The following NRXN3 variants were observed in gnomAD, a reference collection of about 807,000 sequenced individuals.
NRXN3 encodes neurexin 3, also known as neurexin III.
NRXN3 carries 32 observed loss-of-function variants against 137.6 expected under a neutral mutation model. That is an observed-to-expected ratio of 0.23 (90% confidence interval 0.18 to 0.31). The LOEUF (loss-of-function observed/expected upper bound fraction) is 0.31, where lower values mean the gene tolerates loss of function less well. Ranked by LOEUF, NRXN3 falls within the 10% of genes least tolerant of loss-of-function variation. The pLI is 1.00. For missense variants in NRXN3, 1,574 were observed against 2,062.5 expected, an observed-to-expected ratio of 0.76 and a Z score of 4.59; for synonymous variants, 798 against 784.5, an observed-to-expected ratio of 1.02 and a Z score of -0.29.
chr14:78,646,916 G>C (rs957566824), intron 5 of NRXN3, among the ~76,000 whole-genome samples: 4 of 152,214 alleles, frequency 2.6e-5, no homozygotes. Flanking sequence ...TTACATGAGA[G>C]CTGCAGAGAC....
intron 4 of NRXN3, among the ~76,000 whole-genome samples, chr14:78,387,120 C>A (rs1193579110): frequency 6.6e-6 from 1 of 151,922 alleles, no homozygotes; most frequent in Admixed American, 6.6e-5. Context: ...GCAATGCTCA[C>A]CCCCAGCTCA....
At chr14:78,937,255 C>T (rs757730874) in intron 10 of NRXN3, among the ~76,000 whole-genome samples, 82 of 151,732 alleles carry the variant, frequency 5.4e-4, no homozygotes, top group Non-Finnish European at 8.4e-4. Context: ...CTCTGATCTC[C>T]ATTTAACATG....
chr14:78,607,774 T>C (rs1253610077), intron 4 of NRXN3, among the ~76,000 whole-genome samples: 1 of 152,136 alleles, frequency 6.6e-6, no homozygotes, highest in Non-Finnish European at 1.5e-5. Context: ...TCTGTGGATG[T>C]GTGTGTGTGT....
At chr14:79,190,230 C>T (rs1366603851) in intron 15 of NRXN3, among the ~76,000 whole-genome samples, 3 of 151,658 alleles carry the variant, frequency 2.0e-5, no homozygotes, top group Non-Finnish European at 4.4e-5. Flanking sequence ...TTTTTTTAAT[C>T]ATCATCAGGC....
intron 4 of NRXN3, among the ~76,000 whole-genome samples, chr14:78,643,974 C>G (rs2097660910): frequency 6.6e-6 from 1 of 151,992 alleles, no homozygotes; most frequent in African/African-American, 2.4e-5. Context: ...AACCCTGTCT[C>G]TACTAAAAAT....
chr14:79,365,360 T>G (rs1463888858), intron 15 of NRXN3, among the ~76,000 whole-genome samples: 1 of 152,158 alleles, frequency 6.6e-6, no homozygotes, highest in Non-Finnish European at 1.5e-5. Flanking sequence ...CCAAACATAT[T>G]TATTTGCTGA....
intron 15 of NRXN3, among the ~76,000 whole-genome samples, chr14:79,089,744 G>A (rs1049095707): frequency 2.6e-4 from 40 of 151,776 alleles, no homozygotes; most frequent in Admixed American, 1.3e-4. Context: ...CCTCAAACTC[G>A]TGCAGAGAGA....
intron 4 of NRXN3, among the ~76,000 whole-genome samples, chr14:78,536,503 T>C (rs1019544678): frequency 6.6e-6 from 1 of 152,224 alleles, no homozygotes; most frequent in Non-Finnish European, 1.5e-5. Flanking sequence ...TACCAGGATT[T>C]GTATTATATT....
At chr14:78,541,213 C>T (rs2096586264) in intron 4 of NRXN3, among the ~76,000 whole-genome samples, 1 of 152,174 alleles carries the variant, frequency 6.6e-6, no homozygotes, top group Admixed American at 6.5e-5. Flanking sequence ...GAGTGTTTTC[C>T]AACATGGTTC....
intron 4 of NRXN3, among the ~76,000 whole-genome samples, chr14:78,346,079 ACAGGGAT>A (rs1278011332): frequency 6.6e-6 from 1 of 152,212 alleles, no homozygotes; most frequent in Non-Finnish European, 1.5e-5. Context: ...TGGCTCAGCA[ACAGGGAT>A]CTGAAACTGC....
In NRXN3 at chr14:78,940,711, C is replaced by A. The variant is rs115910138; in HGVS notation, c.2276-16531C>A. 3.0e-3 allele frequency among the ~76,000 whole-genome samples: 462 copies of A among 152,232 alleles called. 5 individuals carry two copies. Among genetic ancestry groups the A allele is most frequent in the African/African-American group, 0.01 (434 of 41,532 alleles). ...AATTCAGTTTAGATGGGATATTTTT[C>A]TCTTATTTCTTCCCTTGAACGTTTT... On this transcript the variant is annotated intron_variant, in intron 10 of 20. Coordinates refer to ENST00000335750, the MANE Select transcript of NRXN3 (RefSeq NM_001330195.2).
In NRXN3 at chr14:79,505,399, CA is replaced by C. The variant is rs150473419; in HGVS notation, c.3444+38001del. ...ATGCTACCATCTTCAGCATGTCTTC[CA>C]AAAGCTTCCTGGTATCAAAATCCAA... On this transcript the variant is annotated intron_variant, in intron 16 of 20. Coordinates refer to ENST00000335750, the MANE Select transcript of NRXN3 (RefSeq NM_001330195.2). Among the ~76,000 whole-genome samples the C allele has an allele frequency of 9.7e-3, 1,470 of 152,144 alleles. 60 individuals carry two copies. In the East Asian group the frequency reaches 0.12, roughly 13 times the overall value.
At chr14:79,811,949 A>G (rs1307064061) in intron 20 of NRXN3, among the ~76,000 whole-genome samples, 1 of 152,118 alleles carries the variant, frequency 6.6e-6, no homozygotes, top group African/African-American at 2.4e-5. Context: ...TGCAGTAACT[A>G]TGTGCTTTTA....
chr14:78,344,570 A>G (rs557591180), intron 4 of NRXN3, among the ~76,000 whole-genome samples: 2 of 152,296 alleles, frequency 1.3e-5, no homozygotes, highest in Admixed American at 6.5e-5. Flanking sequence ...TACCACTGGC[A>G]TTCAGGATGG....
At chr14:79,805,252 C>A in intron 20 of NRXN3, 62 bp downstream of exon 20, 3 of 1,172,082 alleles carry the variant, frequency 2.6e-6, no homozygotes, top group Non-Finnish European at 2.6e-6. Context: ...ACAATACATA[C>A]ATATATGTGA....
At chr14:78,875,968 C>T (rs2099113111) in intron 10 of NRXN3, among the ~76,000 whole-genome samples, 1 of 152,190 alleles carries the variant, frequency 6.6e-6, no homozygotes, top group Admixed American at 6.5e-5. Flanking sequence ...ACAAGTAACT[C>T]CTCTGGGGCC....
chr14:79,757,721 T>C (rs1313595193), intron 19 of NRXN3, among the ~76,000 whole-genome samples: 4 of 152,136 alleles, frequency 2.6e-5, no homozygotes, highest in Non-Finnish European at 5.9e-5. Flanking sequence ...TAGTATGACC[T>C]TGGACATGAC....
Position 79,764,970 on chromosome 14 carries a change from TA to T in NRXN3, c.4015-40139del, listed in dbSNP as rs1005924398. ...TTTAAGGTACTAATATTCTGATTTT[TA>T]AACAATTAAATATGCTCTAAATTTG... On this transcript the variant is annotated intron_variant, in intron 19 of 20. Transcript: ENST00000335750. 2.0e-5 allele frequency among the ~76,000 whole-genome samples: 3 copies of T among 152,344 alleles called. No homozygotes were observed. The East Asian group carries it at 5.8e-4, about 29-fold the overall frequency.
At chr14:79,702,697 G>T (rs1217264381) in intron 19 of NRXN3, among the ~76,000 whole-genome samples, 1 of 151,952 alleles carries the variant, frequency 6.6e-6, no homozygotes, top group Non-Finnish European at 1.5e-5. Flanking sequence ...AAACTGAATT[G>T]GGTTCCCTGT....
Sources: allele counts gnomAD v4.1 joint callset (sites outside exome capture counted in the v4.1 genomes callset), GRCh38; gene constraint gnomAD v4.1.1; transcripts MANE v1.5; gene names NCBI Gene and HGNC (gene_info 2026-07-23, HGNC 2026-07-21).